EEPD1: variants seen among roughly 807,000 people sequenced by gnomAD.
EEPD1 encodes the protein endonuclease/exonuclease/phosphatase family domain containing 1, also known as endonuclease/exonuclease/phosphatase family domain-containing protein 1.
In EEPD1, 17 loss-of-function variants were observed where a neutral mutation model predicts 46.3. The ratio of observed to expected loss-of-function variants is 0.37; its 90% CI spans 0.25 to 0.55. The LOEUF is 0.55. Among genes scored for constraint, EEPD1 ranks in the 20% least tolerant of loss-of-function variants. The probability of loss-of-function intolerance (pLI) is 0.83; values close to 1 mark genes in which losing one functional copy is unlikely to be tolerated. For missense variants in EEPD1, 673 were observed against 745.6 expected, an observed-to-expected ratio of 0.90 and a Z score of 1.13; for synonymous variants, 313 against 315.6, an observed-to-expected ratio of 0.99 and a Z score of 0.09.
chr7:36,257,831 C>T (rs912257280), intron 3 of EEPD1, among the ~76,000 whole-genome samples: 3 of 152,170 alleles, frequency 2.0e-5, no homozygotes, highest in Non-Finnish European at 4.4e-5. Flanking sequence ...TCTGTCAGTT[C>T]GTCAAACTCA....
rs1317444131 is a variant in EEPD1, at chr7:36,197,379, C to T, written c.879-41606C>T. On this transcript the variant is annotated intron_variant, in intron 2 of 7. Transcript: ENST00000242108. ...CCGCCCCTACTGGGAAGTGAGGAGC[C>T]CCTCTGCCCGGCCACCACCCCGTCT... 4.0e-5 allele frequency among the ~76,000 whole-genome samples: 6 copies of T among 150,452 alleles called. 1 individual carries two copies. Among genetic ancestry groups the T allele is most frequent in the Admixed American group, 4.0e-4 (6 of 15,176 alleles).
chr7:36,278,585 C>A (rs1346040374), intron 3 of EEPD1, among the ~76,000 whole-genome samples: 2 of 152,064 alleles, frequency 1.3e-5, no homozygotes, highest in African/African-American at 2.4e-5. Flanking sequence ...AGGTTTGGGA[C>A]CCCCTGCGAG....
intron 3 of EEPD1, among the ~76,000 whole-genome samples, chr7:36,244,496 C>T (rs1275151875): frequency 6.6e-6 from 1 of 152,144 alleles, no homozygotes; most frequent in Non-Finnish European, 1.5e-5. Context: ...AAATGACCAG[C>T]CATTTGCCTA....
chr7:36,234,664 C>A (rs192535934), intron 2 of EEPD1, among the ~76,000 whole-genome samples: 2 of 150,648 alleles, frequency 1.3e-5, no homozygotes, highest in African/African-American at 2.4e-5. Context: ...AAAGTGAGAC[C>A]CTGTCTCAAA....
At chr7:36,239,058 C>A (rs1185799934) in intron 3 of EEPD1, 22 bp downstream of exon 3, 1 of 1,609,856 alleles carries the variant, frequency 6.2e-7, no homozygotes, top group Non-Finnish European at 8.5e-7. Flanking sequence ...ACTCTTCCTT[C>A]CACATTCACA....
At chr7:36,234,819 T>G (rs1312665418) in intron 2 of EEPD1, among the ~76,000 whole-genome samples, 1 of 151,988 alleles carries the variant, frequency 6.6e-6, no homozygotes, top group Non-Finnish European at 1.5e-5. Context: ...GCAGGGAGTG[T>G]CGTCACACCA....
intron 3 of EEPD1, among the ~76,000 whole-genome samples, chr7:36,256,002 C>T (rs1250303311): frequency 2.0e-5 from 3 of 152,180 alleles, no homozygotes; most frequent in Admixed American, 1.3e-4. Flanking sequence ...TTAGCTGTGT[C>T]CCAGAGATTC....
intron 3 of EEPD1, among the ~76,000 whole-genome samples, chr7:36,252,079 A>T (rs1306522925): frequency 1.3e-5 from 2 of 152,142 alleles, no homozygotes; most frequent in African/African-American, 2.4e-5. Flanking sequence ...TTGTTTAATT[A>T]ATTTTTCTTC....
At chr7:36,183,888 T>TTTTGTTTTTTTTTTTTTTTTTTTTTG (rs3053348) in intron 2 of EEPD1, among the ~76,000 whole-genome samples, 1 of 135,418 alleles carries the variant, frequency 7.4e-6, no homozygotes, top group Non-Finnish European at 1.6e-5. Context: ...TTTTTTTTTT[T>TTTTGTTTTTTTTTTTTTTTTTTTTTG]ATTTTTAAAA....
rs142920751 is a variant in EEPD1, at chr7:36,221,114, C to T, written c.879-17871C>T. 9.9e-3 allele frequency among the ~76,000 whole-genome samples: 1,510 copies of T among 152,336 alleles called. 18 individuals carry two copies. Among genetic ancestry groups the T allele is most frequent in the African/African-American group, 0.034 (1,414 of 41,582 alleles). ...GTGAGCCACTGCGTCCAGCCAACTA[C>T]ACTGAATTTGTAAATTATCAAGGTA... On this transcript the variant is annotated intron_variant, in intron 2 of 7. Coordinates refer to ENST00000242108, the MANE Select transcript of EEPD1 (RefSeq NM_030636.3).
chr7:36,174,362 C>G (rs372913849), intron 2 of EEPD1, among the ~76,000 whole-genome samples: 6 of 152,158 alleles, frequency 3.9e-5, no homozygotes, highest in Non-Finnish European at 8.8e-5. Context: ...GGCAAGGAAG[C>G]CTTTCATTAA....
rs1031038593 is a variant in EEPD1 at position 36,228,029 on chromosome 7, G to C, written c.879-10956G>C. Among the ~76,000 whole-genome samples, 14 of 152,090 alleles carry C rather than the reference G, an allele frequency of 9.2e-5. 1 individual carries two copies. The highest frequency in any genetic ancestry group is 3.4e-4 in the African/African-American group (14 of 41,396). On this transcript the variant is annotated intron_variant, in intron 2 of 7. Transcript: ENST00000242108. ...GGAGGCTGAGATGGGAGGATCGCTT[G>C]AGCCCAGGAGTTGGAGACCACCCTG...
intron 2 of EEPD1, among the ~76,000 whole-genome samples, chr7:36,194,833 A>G (rs1423814021): frequency 6.6e-6 from 1 of 152,200 alleles, no homozygotes; most frequent in Non-Finnish European, 1.5e-5. Context: ...AGAAATCCAT[A>G]TGTCCCTGAG....
intron 2 of EEPD1, among the ~76,000 whole-genome samples, chr7:36,235,428 C>T (rs1358267255): frequency 6.6e-6 from 1 of 152,266 alleles, no homozygotes; most frequent in Non-Finnish European, 1.5e-5. Flanking sequence ...CTCTATAGAC[C>T]TCCTCTGTGA....
intron 3 of EEPD1, among the ~76,000 whole-genome samples, chr7:36,270,983 A>T (rs568680784): frequency 4.5e-4 from 40 of 89,676 alleles, no homozygotes; most frequent in African/African-American, 1.3e-3. Flanking sequence ...CTTTTTATTT[A>T]TTATTATTAT....
intron 2 of EEPD1, among the ~76,000 whole-genome samples, chr7:36,188,489 G>A (rs529281291): frequency 6.6e-6 from 1 of 152,254 alleles, no homozygotes; most frequent in Admixed American, 6.5e-5. Flanking sequence ...ATTCTGTCAG[G>A]AGGCAGCTGG....
chr7:36,271,060 C>G (rs2115849479), intron 3 of EEPD1, among the ~76,000 whole-genome samples: 1 of 152,208 alleles, frequency 6.6e-6, no homozygotes, highest in African/African-American at 2.4e-5. Flanking sequence ...AATCTCAGCT[C>G]ACTGCAACCT....
chr7:36,249,177 C>A (rs196547), intron 3 of EEPD1, among the ~76,000 whole-genome samples: 144,663 of 152,306 alleles, frequency 0.95, 68,791 homozygotes, highest in Non-Finnish European at 0.97. Flanking sequence ...AACTGTCTTT[C>A]GTTCCCTCAG....
At chr7:36,219,806 A>AGAGAGAGTGTGTGT (rs1341203087) in intron 2 of EEPD1, among the ~76,000 whole-genome samples, 10 of 75,400 alleles carry the variant, frequency 1.3e-4, no homozygotes, top group African/African-American at 4.1e-4. Context: ...AGAGAGAGAG[A>AGAGAGAGTGTGTGT]GTGTGTGTGT....
Sources: gnomAD v4.1 joint callset for allele counts (sites outside exome capture counted in the v4.1 genomes callset) on GRCh38, gnomAD v4.1.1 for gene constraint, MANE v1.5 for transcripts, NCBI Gene and HGNC (gene_info 2026-07-23, HGNC 2026-07-21) for gene names.